The following AK5 variants were observed in gnomAD, a reference collection of about 807,000 sequenced individuals.
AK5 encodes adenylate kinase 5, also known as adenylate kinase isoenzyme 5.
In AK5, 27 loss-of-function variants were observed where a neutral mutation model predicts 69.5. The ratio of observed to expected loss-of-function variants is 0.39; its 90% CI spans 0.29 to 0.54. The LOEUF (loss-of-function observed/expected upper bound fraction) is 0.54, where lower values mean the gene tolerates loss of function less well. Among genes scored for constraint, AK5 ranks in the 20% least tolerant of loss-of-function variants. The probability of loss-of-function intolerance (pLI) is 0.71; values close to 1 mark genes in which losing one functional copy is unlikely to be tolerated. For missense variants in AK5, 531 were observed against 700.4 expected (o/e 0.76, Z 2.73); for synonymous variants, 260 against 244.4 (o/e 1.06, Z -0.60).
intron 8 of AK5, among the ~76,000 whole-genome samples, chr1:77,430,136 A>C (rs551071031): frequency 9.9e-5 from 15 of 152,240 alleles, no homozygotes; most frequent in African/African-American, 2.2e-4. Context: ...AGTTCAAAAA[A>C]AAAAAACAAA....
chr1:77,445,688 G>T (rs549564843), intron 8 of AK5, among the ~76,000 whole-genome samples: 8 of 152,068 alleles, frequency 5.3e-5, no homozygotes, highest in African/African-American at 1.9e-4. Context: ...AGGTTCAAGC[G>T]ATTCTCCTGC....
chr1:77,316,475 G>C (rs1034476783), intron 5 of AK5, among the ~76,000 whole-genome samples: 1 of 151,850 alleles, frequency 6.6e-6, no homozygotes, highest in African/African-American at 2.4e-5. Context: ...AGATAAATAT[G>C]GTTTTTTAAA....
rs1654435876 is a variant in AK5, at chr1:77,470,852, TATATATA to T, written c.1060-12464_1060-12458del. 1.8e-4 allele frequency among the ~76,000 whole-genome samples: 6 copies of T among 32,444 alleles called. 2 individuals carry two copies. Among genetic ancestry groups the T allele is most frequent in the African/African-American group, 3.0e-4 (2 of 6,694 alleles). The allele number at this position is 32,444 out of a possible 152,430, so 21.3% of individuals were successfully genotyped here. On this transcript the variant is annotated intron_variant, in intron 8 of 13. Transcript: ENST00000354567. ...ATATATATATATATATATATATATA[TATATATA>T]TATATATATATATATATTTTTTTTT...
At chr1:77,374,317 T>C (rs575755957) in intron 6 of AK5, among the ~76,000 whole-genome samples, 8 of 152,268 alleles carry the variant, frequency 5.3e-5, no homozygotes, top group African/African-American at 1.9e-4. Context: ...TCCAATTAAT[T>C]CTCCAAGTAG....
At chr1:77,309,685 CTA>C (rs1659838598) in intron 5 of AK5, among the ~76,000 whole-genome samples, 1 of 152,074 alleles carries the variant, frequency 6.6e-6, no homozygotes, top group South Asian at 2.1e-4. Flanking sequence ...TTCTGTATCA[CTA>C]TTTTAATTTG....
At chr1:77,470,056 C>T (rs1654368011) in intron 8 of AK5, among the ~76,000 whole-genome samples, 1 of 152,160 alleles carries the variant, frequency 6.6e-6, no homozygotes, top group South Asian at 2.1e-4. Flanking sequence ...TTTTCCTCTC[C>T]TTAAGGGAGT....
intron 6 of AK5, among the ~76,000 whole-genome samples, chr1:77,342,325 G>T (rs1277893532): frequency 6.6e-6 from 1 of 152,176 alleles, no homozygotes; most frequent in African/African-American, 2.4e-5. Flanking sequence ...TTACCAGAGT[G>T]TCTCTGATTA....
chr1:77,555,313 G>A (rs12030935), intron 13 of AK5, among the ~76,000 whole-genome samples: 1 of 152,068 alleles, frequency 6.6e-6, no homozygotes, highest in Non-Finnish European at 1.5e-5. Flanking sequence ...CAATTCTTAC[G>A]TGGTTCCTCA....
chr1:77,391,067 T>C (rs1648390482), intron 6 of AK5, among the ~76,000 whole-genome samples: 1 of 152,096 alleles, frequency 6.6e-6, no homozygotes, highest in African/African-American at 2.4e-5. Flanking sequence ...CAAGGTCTGT[T>C]GAGGGAGTTC....
In AK5 at chr1:77,345,031, T is replaced by C. The variant is rs572832859; in HGVS notation, c.891+4463T>C. 4.6e-5 allele frequency among the ~76,000 whole-genome samples: 7 copies of C among 152,212 alleles called. No individual in the cohort carries two copies. In the South Asian group the frequency reaches 6.2e-4, roughly 14 times the overall value. ...AAGCTCAGATGCAATGTATATGTTA[T>C]TTTTTCCAGAATGCATTCAAAACTT... On this transcript the variant is annotated intron_variant, in intron 6 of 13. Coordinates refer to ENST00000354567, the MANE Select transcript of AK5 (RefSeq NM_174858.3).
intron 8 of AK5, among the ~76,000 whole-genome samples, chr1:77,436,032 T>G (rs1651941066): frequency 6.6e-6 from 1 of 152,190 alleles, no homozygotes; most frequent in Admixed American, 6.5e-5. Flanking sequence ...CAAGTCACCT[T>G]AGGATAAAAA....
In AK5 at chr1:77,376,440, A is replaced by C. The variant is rs1056291428; in HGVS notation, c.892-34541A>C. On this transcript the variant is annotated intron_variant, in intron 6 of 13. Transcript: ENST00000354567. Reference sequence around the variant, plus strand: ...CTTCAGTGCACTCAATGCCAAAAAAAAAAAAAAAAACAAAAAAAAAAAACA... The same window carrying C: ...CTTCAGTGCACTCAATGCCAAAAAACAAAAAAAAAACAAAAAAAAAAAACA... Among the ~76,000 whole-genome samples, 16 of 112,130 alleles carry C rather than the reference A, an allele frequency of 1.4e-4. 1 individual carries two copies. In the Admixed American group the frequency reaches 1.7e-3, roughly 12 times the overall value. 73.6% of individuals were successfully genotyped at this position (112,130 alleles called of 152,430 possible).
In AK5 at chr1:77,282,056, A is replaced by C. The variant is rs1658087037; in HGVS notation, c.-258A>C. 4 of 355,132 alleles carry C rather than the reference A, an allele frequency of 1.1e-5. 1 individual carries two copies. Among genetic ancestry groups the C allele is most frequent in the South Asian group, 2.0e-4 (2 of 10,198 alleles). The allele number at this position is 355,132 out of a possible 1,614,324, so 22.0% of individuals were successfully genotyped here. Reference sequence around the variant, plus strand: ...GCCTGGCAGCCCGGGAAGCCGCGGCACAGCTGCTCGGCGCCTGCAGCTCCG... The same window carrying C: ...GCCTGGCAGCCCGGGAAGCCGCGGCCCAGCTGCTCGGCGCCTGCAGCTCCG... On this transcript the variant is annotated 5_prime_UTR_variant, in exon 1 of 14. Transcript: ENST00000354567.
At chr1:77,415,898 C>G (rs1165210267) in intron 7 of AK5, among the ~76,000 whole-genome samples, 7 of 152,200 alleles carry the variant, frequency 4.6e-5, no homozygotes, top group Non-Finnish European at 1.0e-4. Flanking sequence ...TTTAACTTCT[C>G]TGCATCTCAT....
At chr1:77,420,530 A>C (rs1448234330) in intron 8 of AK5, 1 of 152,240 alleles carries the variant, frequency 6.6e-6, no homozygotes, top group Non-Finnish European at 1.5e-5. Context: ...TTTATGGTTT[A>C]CATGCATTAT....
chr1:77,338,599 A>G (rs1285074436), intron 5 of AK5, among the ~76,000 whole-genome samples: 1 of 152,208 alleles, frequency 6.6e-6, no homozygotes, highest in Non-Finnish European at 1.5e-5. Flanking sequence ...TGAAACCAAA[A>G]CAGTGGAAGG....
rs1660336225 is a variant in AK5 at position 77,559,665 on chromosome 1, T to C, written c.*995T>C. 6.6e-6 allele frequency: 1 copy of C among 152,170 alleles called. No homozygotes were observed. Among genetic ancestry groups the C allele is most frequent in the Admixed American group, 6.5e-5 (1 of 15,274 alleles). 9.4% of individuals were successfully genotyped at this position (152,170 alleles called of 1,614,324 possible). A position where few individuals can be genotyped will look rare whatever the true frequency, so the allele number is the denominator to read the frequency against. On this transcript the variant is annotated 3_prime_UTR_variant, in exon 14 of 14. Coordinates refer to ENST00000354567, the MANE Select transcript of AK5 (RefSeq NM_174858.3). ...TTTCATATGGGCCCTTTCCAGGAGT[T>C]TGCAAACCTTGTCATACCCATATGC...
At chr1:77,483,430 A>T (rs1374961231) in intron 9 of AK5, 71 bp downstream of exon 9, 9 of 1,206,582 alleles carry the variant, frequency 7.5e-6, no homozygotes, top group Non-Finnish European at 1.1e-5. Flanking sequence ...TTAATTAAAC[A>T]TCAACTTGAG....
At chr1:77,387,763 G>A (rs550909217) in intron 6 of AK5, among the ~76,000 whole-genome samples, 1 of 152,298 alleles carries the variant, frequency 6.6e-6, no homozygotes, top group South Asian at 2.1e-4. Flanking sequence ...CAAGCCTCTT[G>A]CATCTTGCTT....
Sources: allele counts gnomAD v4.1 joint callset (sites outside exome capture counted in the v4.1 genomes callset), GRCh38; gene constraint gnomAD v4.1.1; transcripts MANE v1.5; gene names NCBI Gene and HGNC (gene_info 2026-07-23, HGNC 2026-07-21).